PHLPP1: variants seen among roughly 807,000 people sequenced by gnomAD.
PHLPP1 encodes the protein PH domain leucine-rich repeat-containing protein phosphatase 1.
PHLPP1 carries 42 observed loss-of-function variants against 117.2 expected under a neutral mutation model. The observed-to-expected ratio is 0.36, with a 90% CI of 0.28 to 0.46. PHLPP1 has a LOEUF of 0.46. Ranked by LOEUF, PHLPP1 falls within the 20% of genes least tolerant of loss-of-function variation. PHLPP1 has a pLI of 1.00. For synonymous variants in PHLPP1, 1,042 were observed against 970.7 expected, an observed-to-expected ratio of 1.07 and a Z score of -1.37; for missense variants, 2,084 against 2,241.9, an observed-to-expected ratio of 0.93 and a Z score of 1.42.
intron 3 of PHLPP1, among the ~76,000 whole-genome samples, chr18:62,857,217 C>G (rs1229396093): frequency 6.6e-6 from 1 of 152,196 alleles, no homozygotes; most frequent in African/African-American, 2.4e-5. Context: ...AATTTATGAT[C>G]TCACGGTATA....
At chr18:62,906,440 TG>T (rs1955951496) in intron 8 of PHLPP1, 1 of 150,026 alleles carries the variant, frequency 6.7e-6, no homozygotes, top group South Asian at 2.1e-4. Context: ...CGCAGGCCAG[TG>T]TGTGTGTGCA....
chr18:62,857,365 TC>T (rs1485453035), intron 3 of PHLPP1, among the ~76,000 whole-genome samples: 3 of 152,174 alleles, frequency 2.0e-5, no homozygotes, highest in Non-Finnish European at 4.4e-5. Context: ...TGGATCTAGT[TC>T]CTTCATTTTA....
intron 1 of PHLPP1, among the ~76,000 whole-genome samples, chr18:62,755,483 C>G (rs1157610696): frequency 1.3e-5 from 2 of 152,010 alleles, no homozygotes; most frequent in African/African-American, 4.8e-5. Flanking sequence ...AGGTGGGGAC[C>G]TTTTTGGGGG....
chr18:62,890,078 A>G (rs1372971482), intron 4 of PHLPP1, among the ~76,000 whole-genome samples: 1 of 100,632 alleles, frequency 9.9e-6, no homozygotes, highest in Non-Finnish European at 2.2e-5. Context: ...AGTTCTCTTT[A>G]CGTAAAGCTA....
chr18:62,864,250 G>C (rs1915712942), intron 4 of PHLPP1, among the ~76,000 whole-genome samples: 1 of 152,160 alleles, frequency 6.6e-6, no homozygotes. Flanking sequence ...TCGAACTCCT[G>C]ACCTCAGGTA....
chr18:62,884,180 G>C (rs1011698914), intron 4 of PHLPP1, among the ~76,000 whole-genome samples: 2 of 152,192 alleles, frequency 1.3e-5, no homozygotes, highest in Non-Finnish European at 2.9e-5. Context: ...TTTGTATTGG[G>C]TGAGTAAACA....
chr18:62,920,915 A>G (rs62100180), intron 10 of PHLPP1, among the ~76,000 whole-genome samples: 24,589 of 152,204 alleles, frequency 0.16, 2,468 homozygotes, highest in Admixed American at 0.23. Context: ...TTCCACATTC[A>G]ATTCAATTAT....
At chr18:62,831,282 A>G (rs552853178) in intron 2 of PHLPP1, among the ~76,000 whole-genome samples, 7 of 151,634 alleles carry the variant, frequency 4.6e-5, no homozygotes, top group Admixed American at 2.6e-4. Flanking sequence ...GGAAATTAGG[A>G]TTTGGATGAG....
intron 2 of PHLPP1, among the ~76,000 whole-genome samples, chr18:62,836,046 A>T (rs915968389): frequency 6.6e-6 from 1 of 151,732 alleles, no homozygotes; most frequent in South Asian, 2.1e-4. Flanking sequence ...CTTCCAAAGT[A>T]TTGGGATTAT....
At chr18:62,934,041 C>T (rs1909897425) in intron 10 of PHLPP1, among the ~76,000 whole-genome samples, 1 of 152,096 alleles carries the variant, frequency 6.6e-6, no homozygotes. Context: ...ATCTCAACAC[C>T]AGTCAGAATG....
rs756810696 is a variant in PHLPP1 at position 62,972,499 on chromosome 18, G to A, written c.3561-15G>A. The A allele has an allele frequency of 1.9e-6, 3 of 1,610,398 alleles. No individual in the cohort carries two copies. Among genetic ancestry groups the A allele is most frequent in the Non-Finnish European group, 1.7e-6 (2 of 1,178,680 alleles). The stretch of plus-strand genomic sequence containing the variant: ...GGATGAGTGGACTCAGCACAGAAGT[G>A]TGGTTGCCTTGCAGGTTGTGTGTCG... On this transcript the variant is annotated splice_polypyrimidine_tract_variant and intron_variant, in intron 14 of 16. Coordinates refer to ENST00000262719, the MANE Select transcript of PHLPP1 (RefSeq NM_194449.4).
At chr18:62,857,668 G>A (rs1433472334) in intron 3 of PHLPP1, among the ~76,000 whole-genome samples, 1 of 152,196 alleles carries the variant, frequency 6.6e-6, no homozygotes, top group Non-Finnish European at 1.5e-5. Context: ...TTTGGGCTTG[G>A]ATATTACATC....
intron 9 of PHLPP1, among the ~76,000 whole-genome samples, chr18:62,918,519 A>G (rs1422701558): frequency 1.3e-5 from 2 of 151,638 alleles, no homozygotes; most frequent in African/African-American, 4.9e-5. Context: ...TGGTAACTGC[A>G]TAGATAATCT....
intron 1 of PHLPP1, among the ~76,000 whole-genome samples, chr18:62,743,410 C>T (rs1399975805): frequency 1.3e-5 from 2 of 152,054 alleles, no homozygotes; most frequent in East Asian, 1.9e-4. Flanking sequence ...GTTGCCAACT[C>T]ATGGCCAGTC....
At chr18:62,885,543 C>T (rs967276948) in intron 4 of PHLPP1, among the ~76,000 whole-genome samples, 12 of 152,088 alleles carry the variant, frequency 7.9e-5, no homozygotes, top group Admixed American at 1.3e-4. Flanking sequence ...ACCAGTAGTC[C>T]CAGCTACTCG....
chr18:62,914,557 C>A (rs1181372271), intron 8 of PHLPP1, among the ~76,000 whole-genome samples: 5 of 152,170 alleles, frequency 3.3e-5, no homozygotes, highest in Admixed American at 2.0e-4. Flanking sequence ...CCACTGTACC[C>A]TTTTGAGTAG....
chr18:62,816,170 G>A (rs1347002435), intron 1 of PHLPP1, among the ~76,000 whole-genome samples: 1 of 152,046 alleles, frequency 6.6e-6, no homozygotes, highest in Non-Finnish European at 1.5e-5. Context: ...TTAAATGTCT[G>A]GAAGTTGAAA....
chr18:62,859,292 C>T (rs1337188328), intron 3 of PHLPP1, among the ~76,000 whole-genome samples: 1 of 152,150 alleles, frequency 6.6e-6, no homozygotes, highest in Non-Finnish European at 1.5e-5. Context: ...ACTGTGTTAC[C>T]TACAATATTG....
At chr18:62,762,291 A>G (rs1464919990) in intron 1 of PHLPP1, among the ~76,000 whole-genome samples, 1 of 151,272 alleles carries the variant, frequency 6.6e-6, no homozygotes, top group Non-Finnish European at 1.5e-5. Context: ...ATCGGCTGAC[A>G]CTGAACCCAA....
Sources: gnomAD v4.1 joint callset for allele counts (sites outside exome capture counted in the v4.1 genomes callset) on GRCh38, gnomAD v4.1.1 for gene constraint, MANE v1.5 for transcripts, NCBI Gene and HGNC (gene_info 2026-07-23, HGNC 2026-07-21) for gene names.